The following ABCC4 variants were observed in gnomAD, a reference collection of about 807,000 sequenced individuals.
ABCC4 encodes ATP binding cassette subfamily C member 4 (PEL blood group).
A neutral mutation model predicts 168.5 loss-of-function variants in ABCC4; 102 were observed. The observed-to-expected ratio is 0.61, with a 90% CI of 0.52 to 0.71. The LOEUF (loss-of-function observed/expected upper bound fraction) is 0.71. Among genes scored for constraint, ABCC4 ranks in the 30% least tolerant of loss-of-function variants. The pLI, the probability that ABCC4 is intolerant of heterozygous loss-of-function variation, is 0.00. For synonymous variants in ABCC4, 617 were observed against 590.7 expected (o/e 1.04, Z -0.65); for missense variants, 1,402 against 1,605.8 (o/e 0.87, Z 2.17).
chr13:95,142,149 C>T (rs1482873298), intron 19 of ABCC4, among the ~76,000 whole-genome samples: 2 of 152,146 alleles, frequency 1.3e-5, no homozygotes, highest in Non-Finnish European at 2.9e-5. Flanking sequence ...TTTATAGCAG[C>T]ACAATTTGCA....
chr13:95,201,137 C>T (rs2139660520), intron 8 of ABCC4, among the ~76,000 whole-genome samples: 1 of 152,320 alleles, frequency 6.6e-6, no homozygotes, highest in East Asian at 1.9e-4. Flanking sequence ...CATCCTTTAT[C>T]TGGACACAGA....
chr13:95,033,470 C>T (rs2031978910), intron 30 of ABCC4, among the ~76,000 whole-genome samples: 1 of 152,154 alleles, frequency 6.6e-6, no homozygotes, highest in Admixed American at 6.6e-5. Flanking sequence ...GACCATGTGA[C>T]ATCTGGCTAA....
At chr13:95,202,354 T>C (rs1360655103) in intron 8 of ABCC4, among the ~76,000 whole-genome samples, 1 of 152,194 alleles carries the variant, frequency 6.6e-6, no homozygotes, top group Non-Finnish European at 1.5e-5. Context: ...TGCATGTACA[T>C]ACACGTGGGC....
At chr13:95,226,202 G>A (rs2039462379) in intron 4 of ABCC4, among the ~76,000 whole-genome samples, 1 of 151,086 alleles carries the variant, frequency 6.6e-6, no homozygotes, top group African/African-American at 2.4e-5. Context: ...AATTCAAGAT[G>A]CATAACCCAA....
At chr13:95,126,748 TATATA>T (rs2035784806) in intron 19 of ABCC4, among the ~76,000 whole-genome samples, 2 of 55,534 alleles carry the variant, frequency 3.6e-5, no homozygotes, top group Non-Finnish European at 7.9e-5. Context: ...TATATATATA[TATATA>T]TTCCAAAATA....
chr13:95,033,587 A>G (rs2031985368), intron 30 of ABCC4, among the ~76,000 whole-genome samples: 1 of 152,184 alleles, frequency 6.6e-6, no homozygotes, highest in Non-Finnish European at 1.5e-5. Flanking sequence ...TGCCTTATAA[A>G]CATACTTCAA....
rs146762158 is a variant in ABCC4 at position 95,233,155 on chromosome 13, T to C, written c.531+1455A>G. Among the ~76,000 whole-genome samples, 140 of 152,310 alleles carry C rather than the reference T, an allele frequency of 9.2e-4. 1 individual carries two copies. In the East Asian group the frequency reaches 0.023, roughly 25 times the overall value. ...CATTATACAATGTACAATTATATAA[T>C]GTACAATTTACAATGTGCAATTAAA... On this transcript the variant is annotated intron_variant, in intron 4 of 30. Coordinates refer to ENST00000645237, the MANE Select transcript of ABCC4 (RefSeq NM_005845.5).
chr13:95,244,789 CCTG>C (rs1054352078), intron 3 of ABCC4, among the ~76,000 whole-genome samples: 1 of 151,638 alleles, frequency 6.6e-6, no homozygotes, highest in African/African-American at 2.4e-5. Flanking sequence ...CACTACTAAT[CCTG>C]CTGCTGCTTC....
chr13:95,208,042 A>C, intron 6 of ABCC4, 117 bp from the exon 7 acceptor site: 1 of 1,073,650 alleles, frequency 9.3e-7, no homozygotes, highest in Non-Finnish European at 1.3e-6. Flanking sequence ...TGCTTCCGAC[A>C]ACACAGACAG....
At chr13:95,022,763 C>CTGGAGATA in intron 30 of ABCC4, among the ~76,000 whole-genome samples, 1 of 152,192 alleles carries the variant, frequency 6.6e-6, no homozygotes, top group Non-Finnish European at 1.5e-5. Flanking sequence ...AAAGTTATCA[C>CTGGAGATA]TGGAGATAAT....
intron 1 of ABCC4, among the ~76,000 whole-genome samples, chr13:95,298,157 T>A (rs1295232091): frequency 6.6e-6 from 1 of 151,868 alleles, no homozygotes; most frequent in African/African-American, 2.4e-5. Flanking sequence ...GGTGTGAGGG[T>A]GCACGCCTAT....
chr13:95,211,253 G>T (rs926999750), intron 4 of ABCC4, among the ~76,000 whole-genome samples: 1 of 152,164 alleles, frequency 6.6e-6, no homozygotes, highest in African/African-American at 2.4e-5. Context: ...AATGGGAAAT[G>T]ACAAATATGG....
At chr13:95,243,896 A>AC (rs2138792267) in intron 3 of ABCC4, among the ~76,000 whole-genome samples, 1 of 93,312 alleles carries the variant, frequency 1.1e-5, no homozygotes, top group African/African-American at 7.1e-5. Context: ...AGACGAAAAC[A>AC]TAAAAAAAAA....
chr13:95,131,297 C>T lies in ABCC4; in HGVS notation c.2456-15296G>A, dbSNP rs146446752. ...CAAGAGGGGACGCACAACAAAAACC[C>T]GCACAGGCTCCATCACATGGGCGCC... On this transcript the variant is annotated intron_variant, in intron 19 of 30. Coordinates refer to ENST00000645237, the MANE Select transcript of ABCC4 (RefSeq NM_005845.5). Among the ~76,000 whole-genome samples, 31 of 152,228 alleles carry T rather than the reference C, an allele frequency of 2.0e-4. No homozygotes were observed. In the East Asian group the frequency reaches 2.7e-3, roughly 13 times the overall value.
intron 19 of ABCC4, among the ~76,000 whole-genome samples, chr13:95,135,659 C>G (rs1337923334): frequency 6.6e-6 from 1 of 152,170 alleles, no homozygotes; most frequent in Non-Finnish European, 1.5e-5. Context: ...AGCGATCCAC[C>G]TGTCTCTGCC....
chr13:95,166,570 A>C (rs1330394494), intron 14 of ABCC4, among the ~76,000 whole-genome samples: 1 of 152,208 alleles, frequency 6.6e-6, no homozygotes, highest in Non-Finnish European at 1.5e-5. Context: ...TAGGTCCTGA[A>C]GAATATTTTT....
At chr13:95,300,214 T>C (rs1470111210) in intron 1 of ABCC4, among the ~76,000 whole-genome samples, 2 of 152,084 alleles carry the variant, frequency 1.3e-5, no homozygotes, top group Non-Finnish European at 2.9e-5. Flanking sequence ...GGTAGGGCTG[T>C]GGGCCCTCCC....
chr13:95,184,009 G>A (rs1047344750), intron 11 of ABCC4, among the ~76,000 whole-genome samples: 8 of 152,202 alleles, frequency 5.3e-5, no homozygotes, highest in Admixed American at 1.3e-4. Context: ...CCGTCCTACC[G>A]AGGATGGAAC....
At position 95,178,046 on chromosome 13, in the gene ABCC4, G is replaced by T; in HGVS notation, c.1591C>A (p.Arg531=). The change falls in exon 12 of 31, where the codon CGG becomes AGG. Residue 531 remains arginine, a synonymous_variant. Transcript: ENST00000645237. ...TGCCCTCCACTCAGCGTGGTTCCCC[G>T]ATCTCCTATCACAGTCAGATCACCA... ...EDGDLTVIGD[R]GTTLSGGQKA... 6.2e-7 allele frequency: 1 copy of T among 1,614,156 alleles called. No individual in the cohort carries two copies. Among genetic ancestry groups the T allele is most frequent in the Non-Finnish European group, 8.5e-7 (1 of 1,180,020 alleles).
Sources: allele counts gnomAD v4.1 joint callset (sites outside exome capture counted in the v4.1 genomes callset), GRCh38; gene constraint gnomAD v4.1.1; transcripts MANE v1.5; gene names NCBI Gene and HGNC (gene_info 2026-07-23, HGNC 2026-07-21).